SPON1: variants seen among roughly 807,000 people sequenced by gnomAD.
SPON1 encodes spondin-1.
Under a neutral mutation model 111.7 loss-of-function variants are expected in SPON1, and 52 were observed. That is an observed-to-expected ratio of 0.47 (90% CI 0.37 to 0.59). The LOEUF is 0.59. SPON1 is among the 20% of genes least tolerant of loss of function. The pLI is 0.00. For synonymous variants in SPON1, 410 were observed against 395.8 expected (o/e 1.04, Z -0.43); for missense variants, 957 against 1,068.5 (o/e 0.90, Z 1.46).
chr11:14,012,589 G>A (rs551920012), intron 2 of SPON1, among the ~76,000 whole-genome samples: 4 of 152,168 alleles, frequency 2.6e-5, no homozygotes, highest in Middle Eastern at 6.8e-3. Flanking sequence ...TTTGTCCACC[G>A]ATTTGGCAAA....
At chr11:14,073,915 A>G (rs1397835278) in intron 3 of SPON1, among the ~76,000 whole-genome samples, 1 of 152,138 alleles carries the variant, frequency 6.6e-6, no homozygotes, top group Non-Finnish European at 1.5e-5. Flanking sequence ...TGAAATTAGG[A>G]TGGAGCCTTT....
intron 6 of SPON1, among the ~76,000 whole-genome samples, chr11:14,161,854 A>G (rs1554931381): frequency 6.6e-6 from 1 of 152,108 alleles, no homozygotes; most frequent in Non-Finnish European, 1.5e-5. Flanking sequence ...GTATATTAAA[A>G]TAATGAAGGT....
intron 1 of SPON1, among the ~76,000 whole-genome samples, chr11:13,982,174 G>A (rs1848149559): frequency 6.6e-6 from 1 of 151,758 alleles, no homozygotes; most frequent in Non-Finnish European, 1.5e-5. Context: ...TCATATGTAT[G>A]TATGTATGTA....
At chr11:14,025,846 C>G (rs1848513960) in intron 2 of SPON1, among the ~76,000 whole-genome samples, 1 of 152,168 alleles carries the variant, frequency 6.6e-6, no homozygotes, top group African/African-American at 2.4e-5. Context: ...AAAGGGGTAA[C>G]AGAGGTGGAC....
intron 1 of SPON1, among the ~76,000 whole-genome samples, chr11:13,976,072 A>G (rs1848101305): frequency 6.6e-6 from 1 of 152,366 alleles, no homozygotes; most frequent in African/African-American, 2.4e-5. Context: ...GAAAGGCGAT[A>G]TCATCAACCT....
At chr11:14,247,359 A>G (rs896813914) in intron 7 of SPON1, among the ~76,000 whole-genome samples, 3 of 152,212 alleles carry the variant, frequency 2.0e-5, no homozygotes, top group Non-Finnish European at 4.4e-5. Flanking sequence ...GCAGTGAACC[A>G]TGCACTCCAG....
intron 6 of SPON1, among the ~76,000 whole-genome samples, chr11:14,205,257 C>T (rs149165180): frequency 1.3e-5 from 2 of 152,286 alleles, no homozygotes; most frequent in Admixed American, 6.5e-5. Context: ...TGACGCATAT[C>T]GTATTATTAC....
intron 7 of SPON1, among the ~76,000 whole-genome samples, chr11:14,245,386 G>A (rs1179024052): frequency 6.6e-6 from 1 of 152,204 alleles, no homozygotes; most frequent in Non-Finnish European, 1.5e-5. Flanking sequence ...AACAGACCAA[G>A]TTGGGCCACT....
At chr11:14,260,476 CTTTATTCCAG>C in intron 13 of SPON1, 102 bp from the exon 14 acceptor site, 1 of 1,248,314 alleles carries the variant, frequency 8.0e-7, no homozygotes, top group South Asian at 1.6e-5. Flanking sequence ...GCCAATTCCA[CTTTATTCCAG>C]GGGCCAAAGC....
At chr11:14,241,226 G>A (rs782389704) in intron 6 of SPON1, among the ~76,000 whole-genome samples, 1 of 152,070 alleles carries the variant, frequency 6.6e-6, no homozygotes, top group Non-Finnish European at 1.5e-5. Flanking sequence ...GAGTTTCTGT[G>A]ATGCTAAAAT....
chr11:14,075,371 T>C lies in SPON1; in HGVS notation c.506T>C (p.Ile169Thr). 1 of 1,560,914 alleles carries C rather than the reference T, an allele frequency of 6.4e-7. No individual in the cohort carries two copies. Among genetic ancestry groups the C allele is most frequent in the Non-Finnish European group, 8.7e-7 (1 of 1,151,350 alleles). The change falls in exon 4 of 16, where the codon ATT becomes ACT. Residue 169 changes from isoleucine (I) to threonine (T), a missense_variant. Ile to Thr is a moderately conservative substitution (Grantham distance 89, BLOSUM62 -1). This residue lies in a region of SPON1 where 262 missense variants were observed against 253.9 expected (regional missense o/e 1.03). Coordinates refer to ENST00000576479, the MANE Select transcript of SPON1 (RefSeq NM_006108.4). ...GCCAGCATCGTACAAAAACGCATTA[T>C]TTATTTTCAAGATGAGGGCTCTCTG... ...LKASIVQKRI[I>T]YFQDEGSLTK...
At chr11:14,239,278 A>T (rs1218984686) in intron 6 of SPON1, among the ~76,000 whole-genome samples, 1 of 152,242 alleles carries the variant, frequency 6.6e-6, no homozygotes, top group Non-Finnish European at 1.5e-5. Context: ...AAGAATGATC[A>T]GTAATTTTTG....
chr11:14,003,725 T>G (rs1473776580), intron 2 of SPON1, among the ~76,000 whole-genome samples: 4 of 152,142 alleles, frequency 2.6e-5, no homozygotes, highest in East Asian at 3.9e-4. Context: ...ATGATATATA[T>G]ATAGATAGTA....
At chr11:14,108,608 C>A (rs1331638223) in intron 5 of SPON1, among the ~76,000 whole-genome samples, 1 of 152,152 alleles carries the variant, frequency 6.6e-6, no homozygotes, top group African/African-American at 2.4e-5. Context: ...CAAGGCCTAA[C>A]CAGCAATGAG....
intron 2 of SPON1, among the ~76,000 whole-genome samples, chr11:13,994,780 A>G (rs1234060494): frequency 1.3e-5 from 2 of 152,214 alleles, no homozygotes; most frequent in African/African-American, 2.4e-5. Context: ...TGAATCATCC[A>G]TGAGATAGGA....
intron 14 of SPON1, 31 bp downstream of exon 14, chr11:14,260,783 C>T: frequency 6.2e-7 from 1 of 1,600,114 alleles, no homozygotes; most frequent in East Asian, 2.2e-5. Flanking sequence ...AGGCCCATCA[C>T]TTCTATGTTC....
chr11:13,994,532 C>T (rs1255524080), intron 2 of SPON1, among the ~76,000 whole-genome samples: 3 of 152,060 alleles, frequency 2.0e-5, no homozygotes, highest in African/African-American at 7.3e-5. Context: ...GGGAAACAGA[C>T]ATATGAGATC....
intron 5 of SPON1, among the ~76,000 whole-genome samples, chr11:14,111,514 A>T (rs1184493933): frequency 6.6e-6 from 1 of 152,248 alleles, no homozygotes. Flanking sequence ...AGGAATATGT[A>T]CGTACTAACA....
chr11:14,033,875 C>T (rs1412968174), intron 2 of SPON1, among the ~76,000 whole-genome samples: 1 of 152,238 alleles, frequency 6.6e-6, no homozygotes, highest in East Asian at 1.9e-4. Flanking sequence ...AAGATTTCTC[C>T]GTCTCTTGCA....
Sources: allele counts gnomAD v4.1 joint callset (sites outside exome capture counted in the v4.1 genomes callset), GRCh38; gene constraint gnomAD v4.1.1; regional missense constraint gnomAD v4.1.1; transcripts MANE v1.5; gene names NCBI Gene and HGNC (gene_info 2026-07-23, HGNC 2026-07-21).